The following HOMER2 variants were observed in gnomAD, a reference collection of about 807,000 sequenced individuals.
The protein encoded by HOMER2 is homer protein homolog 2.
In HOMER2, 27 loss-of-function variants were observed where a neutral mutation model predicts 47.0. The observed-to-expected ratio is 0.57, with a 90% CI of 0.42 to 0.79. HOMER2 has a LOEUF of 0.79. Ranked by LOEUF, HOMER2 falls within the 30% of genes least tolerant of loss-of-function variation. The pLI is 0.00. For synonymous variants in HOMER2, 161 were observed against 163.8 expected (o/e 0.98, Z 0.13); for missense variants, 443 against 435.0 (o/e 1.02, Z -0.16).
intron 6 of HOMER2, among the ~76,000 whole-genome samples, chr15:82,853,535 G>A (rs1328308380): frequency 6.6e-6 from 1 of 152,168 alleles, no homozygotes; most frequent in African/African-American, 2.4e-5. Flanking sequence ...CAGGGCAGGG[G>A]AGAAAAGGGG....
Position 82,849,359 on chromosome 15 carries a change from G to A in HOMER2, c.*356C>T, listed in dbSNP as rs2051312825. 4.8e-6 allele frequency: 1 copy of A among 209,966 alleles called. No homozygotes were observed. Among genetic ancestry groups the A allele is most frequent in the Non-Finnish European group, 9.5e-6 (1 of 105,242 alleles). 13.0% of individuals were successfully genotyped at this position (209,966 alleles called of 1,614,324 possible). On this transcript the variant is annotated 3_prime_UTR_variant, in exon 9 of 9. Transcript: ENST00000450735. The stretch of plus-strand genomic sequence containing the variant: ...TTGATAAAAGGAGCCTGATGGCTTG[G>A]TGTAAAGAATATCAATATTTGGATT...
chr15:82,875,439 A>G (rs755529390), intron 2 of HOMER2, 35 bp from the exon 3 acceptor site: 1 of 1,610,210 alleles, frequency 6.2e-7, no homozygotes, highest in Non-Finnish European at 8.5e-7. Flanking sequence ...GAAAATTTAA[A>G]TGTTGAATGA....
intron 2 of HOMER2, among the ~76,000 whole-genome samples, chr15:82,889,945 C>T (rs140873047): frequency 3.9e-5 from 6 of 152,282 alleles, no homozygotes; most frequent in African/African-American, 1.4e-4. Flanking sequence ...AACTGAGGTC[C>T]ACCCTACTCC....
intron 1 of HOMER2, among the ~76,000 whole-genome samples, chr15:82,965,554 A>G (rs1200293613): frequency 6.6e-6 from 1 of 152,158 alleles, no homozygotes; most frequent in African/African-American, 2.4e-5. Flanking sequence ...ATAGTGGTTA[A>G]GTGAGAAGGT....
downstream of HOMER2, among the ~76,000 whole-genome samples, chr15:82,848,072 C>G (rs1203093025): frequency 6.6e-6 from 1 of 152,196 alleles, no homozygotes; most frequent in Non-Finnish European, 1.5e-5. Context: ...CTAAAAGTGC[C>G]TTGGTGCTCC....
At chr15:82,860,442 A>G (rs1340576211) in intron 4 of HOMER2, among the ~76,000 whole-genome samples, 1 of 152,140 alleles carries the variant, frequency 6.6e-6, no homozygotes, top group East Asian at 1.9e-4. Context: ...AAGCTGACCT[A>G]TGGGTACAGG....
intron 1 of HOMER2, among the ~76,000 whole-genome samples, chr15:82,934,923 G>A (rs1029471869): frequency 1.3e-5 from 2 of 152,042 alleles, no homozygotes; most frequent in African/African-American, 4.8e-5. Context: ...CTCTGCTGAC[G>A]ACCCTGCCTC....
upstream of HOMER2, among the ~76,000 whole-genome samples, chr15:82,955,431 A>T (rs548192747): frequency 5.7e-4 from 87 of 152,124 alleles, no homozygotes; most frequent in African/African-American, 1.9e-3. Context: ...GGCCTCCCAA[A>T]GTGCTGGGAT....
intron 3 of HOMER2, among the ~76,000 whole-genome samples, chr15:82,866,307 T>C (rs1273834554): frequency 6.6e-6 from 1 of 152,256 alleles, no homozygotes; most frequent in Non-Finnish European, 1.5e-5. Context: ...AGCCCCTTTG[T>C]TTTGGTCAAT....
intron 2 of HOMER2, among the ~76,000 whole-genome samples, chr15:82,877,689 G>C (rs1232759018): frequency 6.6e-6 from 1 of 152,152 alleles, no homozygotes. Flanking sequence ...CGGTCCAGCT[G>C]ACTTTTCCTT....
At chr15:82,937,040 G>C (rs1442734652) in intron 1 of HOMER2, among the ~76,000 whole-genome samples, 1 of 152,186 alleles carries the variant, frequency 6.6e-6, no homozygotes, top group East Asian at 1.9e-4. Context: ...TAGCAGGCTT[G>C]AAATATCCAA....
rs540006852 is a variant in HOMER2, at chr15:82,854,392, C to T, written c.651+252G>A. Among the ~76,000 whole-genome samples the T allele has an allele frequency of 5.9e-5, 9 of 151,842 alleles. No homozygotes were observed. In the South Asian group the frequency reaches 1.0e-3, roughly 18 times the overall value. The stretch of plus-strand genomic sequence containing the variant: ...CTGCACTCCAGCCTGGGTGACAGAG[C>T]GAGACTCCATCTCAAAAAAAAAGAA... On this transcript the variant is annotated intron_variant, in intron 6 of 8. Coordinates refer to ENST00000450735, the MANE Select transcript of HOMER2 (RefSeq NM_004839.4).
Position 82,843,442 on chromosome 15 carries a change from C to CAAAAAAAAAAA in HOMER2, c.*3821_*3831dup, listed in dbSNP as rs56335970. 3.9e-4 allele frequency: 8 copies of CAAAAAAAAAAA among 20,520 alleles called. 1 individual carries two copies. Among genetic ancestry groups the CAAAAAAAAAAA allele is most frequent in the Non-Finnish European group, 5.1e-4 (7 of 13,656 alleles). 1.3% of individuals were successfully genotyped at this position (20,520 alleles called of 1,614,324 possible). On this transcript the variant is annotated 3_prime_UTR_variant, in exon 2 of 2. Transcript: ENST00000558090. ...CTGGGGGCCAGGGTGGACCCCGTCT[C>CAAAAAAAAAAA]AAAAAAAAAAAAAAAAAAAAAAAAA...
intron 1 of HOMER2, among the ~76,000 whole-genome samples, chr15:82,959,485 G>C (rs1205039308): frequency 6.6e-6 from 1 of 152,228 alleles, no homozygotes; most frequent in Non-Finnish European, 1.5e-5. Context: ...AGAAGAACTT[G>C]AAAGGGCCGG....
At chr15:82,970,907 A>G (rs948100468) in intron 1 of HOMER2, among the ~76,000 whole-genome samples, 3 of 152,208 alleles carry the variant, frequency 2.0e-5, no homozygotes, top group Non-Finnish European at 4.4e-5. Context: ...GCAAAATTCA[A>G]TTCCCTTTGG....
At chr15:82,948,676 A>C (rs2054435689) in intron 1 of HOMER2, among the ~76,000 whole-genome samples, 1 of 152,230 alleles carries the variant, frequency 6.6e-6, no homozygotes, top group African/African-American at 2.4e-5. Context: ...TCTGAAAGGA[A>C]AGAGGAAGGT....
intron 1 of HOMER2, among the ~76,000 whole-genome samples, chr15:82,984,345 T>C (rs913315575): frequency 2.0e-5 from 3 of 152,224 alleles, no homozygotes; most frequent in African/African-American, 4.8e-5. Context: ...TATTCAATTA[T>C]TGTAACCTTG....
intron 1 of HOMER2, among the ~76,000 whole-genome samples, chr15:82,898,812 T>G (rs756324106): frequency 6.6e-5 from 10 of 152,262 alleles, no homozygotes; most frequent in Non-Finnish European, 1.3e-4. Context: ...AATTCTTCAC[T>G]TGCAATGTTT....
intron 2 of HOMER2, among the ~76,000 whole-genome samples, chr15:82,882,633 A>G (rs2052560151): frequency 6.6e-6 from 1 of 152,258 alleles, no homozygotes; most frequent in Non-Finnish European, 1.5e-5. Flanking sequence ...TGAGATGAGT[A>G]GCACCAACTG....
Sources: gnomAD v4.1 joint callset for allele counts (sites outside exome capture counted in the v4.1 genomes callset) on GRCh38, gnomAD v4.1.1 for gene constraint, MANE v1.5 for transcripts, NCBI Gene and HGNC (gene_info 2026-07-23, HGNC 2026-07-21) for gene names.